Variants in EDIL3 observed in about 807,000 individuals in gnomAD.
The protein encoded by EDIL3 is EGF-like repeat and discoidin I-like domain-containing protein 3.
Under a neutral mutation model 67.4 loss-of-function variants are expected in EDIL3, and 37 were observed. The observed-to-expected ratio is 0.55, with a 90% confidence interval of 0.42 to 0.72. EDIL3 has a LOEUF of 0.72. Ranked by LOEUF, EDIL3 falls within the 30% of genes least tolerant of loss-of-function variation. The pLI, the probability that EDIL3 is intolerant of heterozygous loss-of-function variation, is 0.00. For synonymous variants in EDIL3, 195 were observed against 196.3 expected (o/e 0.99, Z 0.05); for missense variants, 527 against 586.3 (o/e 0.90, Z 1.04).
intron 6 of EDIL3, among the ~76,000 whole-genome samples, chr5:84,070,514 T>C (rs1746719182): frequency 6.6e-6 from 1 of 152,172 alleles, no homozygotes; most frequent in Non-Finnish European, 1.5e-5. Flanking sequence ...AAGGGAACTT[T>C]TCCCGTTTCA....
At chr5:83,946,666 C>T (rs540696164) in intron 10 of EDIL3, among the ~76,000 whole-genome samples, 3 of 151,942 alleles carry the variant, frequency 2.0e-5, no homozygotes, top group South Asian at 2.1e-4. Flanking sequence ...GTTAGGACTA[C>T]GGTCTATTCA....
intron 3 of EDIL3, among the ~76,000 whole-genome samples, chr5:84,208,246 C>G (rs1233290574): frequency 6.6e-6 from 1 of 152,156 alleles, no homozygotes; most frequent in African/African-American, 2.4e-5. Flanking sequence ...AGGACATGAA[C>G]AGACACTTCT....
At chr5:84,054,352 A>G (rs1284426385) in intron 9 of EDIL3, among the ~76,000 whole-genome samples, 2 of 152,242 alleles carry the variant, frequency 1.3e-5, no homozygotes, top group Non-Finnish European at 2.9e-5. Context: ...AGCCAATATC[A>G]TACTGAATGG....
intron 1 of EDIL3, among the ~76,000 whole-genome samples, chr5:84,338,368 G>A (rs1747030932): frequency 6.6e-6 from 1 of 152,176 alleles, no homozygotes; most frequent in Non-Finnish European, 1.5e-5. Context: ...CATCTGCCAT[G>A]AGAGGACCAT....
At chr5:84,114,275 G>T (rs145834412) in intron 5 of EDIL3, among the ~76,000 whole-genome samples, 9 of 151,736 alleles carry the variant, frequency 5.9e-5, no homozygotes, top group African/African-American at 2.2e-4. Context: ...GAGGTCAGGG[G>T]ATGGAGTGAA....
chr5:84,198,957 G>T (rs1743775432), intron 3 of EDIL3, among the ~76,000 whole-genome samples: 1 of 152,066 alleles, frequency 6.6e-6, no homozygotes, highest in Non-Finnish European at 1.5e-5. Flanking sequence ...CTTGATAGGA[G>T]ATTAAGACCT....
At chr5:84,008,103 G>A (rs1160381750) in intron 9 of EDIL3, among the ~76,000 whole-genome samples, 1 of 152,134 alleles carries the variant, frequency 6.6e-6, no homozygotes, top group Non-Finnish European at 1.5e-5. Context: ...TGGAGACAGA[G>A]AATAGAATGA....
chr5:84,287,120 A>G (rs1745821657), intron 1 of EDIL3, among the ~76,000 whole-genome samples: 1 of 152,218 alleles, frequency 6.6e-6, no homozygotes, highest in Non-Finnish European at 1.5e-5. Context: ...GTGATTATTT[A>G]TATAATATTG....
chr5:84,259,805 C>T (rs1055254477), intron 1 of EDIL3, among the ~76,000 whole-genome samples: 28 of 152,032 alleles, frequency 1.8e-4, no homozygotes, highest in Admixed American at 1.0e-3. Flanking sequence ...ACCTTTTAAC[C>T]TCAACAGCAA....
At chr5:84,185,679 T>G (rs529005310) in intron 3 of EDIL3, among the ~76,000 whole-genome samples, 4 of 152,270 alleles carry the variant, frequency 2.6e-5, no homozygotes, top group Non-Finnish European at 5.9e-5. Flanking sequence ...TCTGGAACCT[T>G]TCTACACCTT....
intron 1 of EDIL3, among the ~76,000 whole-genome samples, chr5:84,333,539 TAATA>T (rs887230846): frequency 3.9e-5 from 6 of 152,128 alleles, no homozygotes; most frequent in African/African-American, 1.4e-4. Flanking sequence ...ATGTCAAAAG[TAATA>T]AATAACAGGA....
chr5:83,966,112 G>A (rs1056124536), intron 9 of EDIL3, among the ~76,000 whole-genome samples: 1 of 152,014 alleles, frequency 6.6e-6, no homozygotes, highest in Non-Finnish European at 1.5e-5. Flanking sequence ...GATCTTCAGG[G>A]TGAAAGTTGA....
At chr5:84,083,638 A>G (rs2112260780) in intron 6 of EDIL3, among the ~76,000 whole-genome samples, 1 of 152,030 alleles carries the variant, frequency 6.6e-6, no homozygotes, top group Admixed American at 6.5e-5. Context: ...TTTTTCATCT[A>G]TACAATGGTA....
At chr5:84,039,108 GTT>G in intron 9 of EDIL3, among the ~76,000 whole-genome samples, 1 of 146,194 alleles carries the variant, frequency 6.8e-6, no homozygotes, top group East Asian at 2.0e-4. Context: ...TAAAGACTGT[GTT>G]TTTTTTTTTT....
intron 2 of EDIL3, among the ~76,000 whole-genome samples, chr5:84,236,640 G>A (rs1744688039): frequency 1.3e-5 from 2 of 152,022 alleles, no homozygotes; most frequent in South Asian, 4.1e-4. Flanking sequence ...TGTTTCCCAA[G>A]CTGGACATTA....
At chr5:84,264,539 C>T (rs1745307484) in intron 1 of EDIL3, among the ~76,000 whole-genome samples, 1 of 152,106 alleles carries the variant, frequency 6.6e-6, no homozygotes, top group Non-Finnish European at 1.5e-5. Flanking sequence ...GTGGTTTTAC[C>T]AGATAGGTGT....
intron 9 of EDIL3, among the ~76,000 whole-genome samples, chr5:83,967,202 T>A (rs1430786981): frequency 6.6e-6 from 1 of 151,988 alleles, no homozygotes; most frequent in Non-Finnish European, 1.5e-5. Flanking sequence ...ACACCTGTAG[T>A]CCCAGCTACT....
At chr5:84,204,912 C>T (rs347345) in intron 3 of EDIL3, among the ~76,000 whole-genome samples, 80,222 of 151,062 alleles carry the variant, frequency 0.53, 21,415 homozygotes, top group East Asian at 0.71. Context: ...AAAATAGTAA[C>T]GCTTTTGTGT....
chr5:84,023,018 G>A (rs866285755), intron 9 of EDIL3, among the ~76,000 whole-genome samples: 1 of 151,916 alleles, frequency 6.6e-6, no homozygotes, highest in Middle Eastern at 3.4e-3. Context: ...CCATAAATAT[G>A]TAAAATACTA....
Sources: allele counts gnomAD v4.1 joint callset (sites outside exome capture counted in the v4.1 genomes callset), GRCh38; gene constraint gnomAD v4.1.1; transcripts MANE v1.5; gene names NCBI Gene and HGNC (gene_info 2026-07-23, HGNC 2026-07-21).